The following MACF1 variants were observed in gnomAD, a reference collection of about 807,000 sequenced individuals.
MACF1 encodes microtubule actin crosslinking factor 1, also known as microtubule-actin cross-linking factor 1.
Under a neutral mutation model 854.8 loss-of-function variants are expected in MACF1, and 193 were observed. The observed-to-expected ratio is 0.23, with a 90% confidence interval of 0.20 to 0.25. MACF1 has a LOEUF of 0.25. MACF1 is among the 10% of genes least tolerant of loss of function. The pLI is 1.00. For synonymous variants in MACF1, 3,185 were observed against 3,226.7 expected (o/e 0.99, Z 0.44); for missense variants, 7,722 against 8,929.1 (o/e 0.86, Z 5.45).
At chr1:39,403,589 A>G (rs1215392518) in intron 58 of MACF1, among the ~76,000 whole-genome samples, 12 of 152,170 alleles carry the variant, frequency 7.9e-5, no homozygotes, top group Admixed American at 6.5e-4. Flanking sequence ...GAGTAACACT[A>G]TATGGCATTA....
At chr1:39,294,016 C>CA (rs1645849562) in intron 18 of MACF1, among the ~76,000 whole-genome samples, 2 of 152,066 alleles carry the variant, frequency 1.3e-5, no homozygotes, top group Admixed American at 1.3e-4. Flanking sequence ...GAGATAATAG[C>CA]ACCACTTCAA....
intron 97 of MACF1, among the ~76,000 whole-genome samples, chr1:39,477,997 G>T (rs1570231913): frequency 7.8e-6 from 1 of 128,270 alleles, no homozygotes; most frequent in African/African-American, 3.0e-5. Flanking sequence ...GCTCAGAAGT[G>T]AATTTTTTTT....
intron 50 of MACF1, among the ~76,000 whole-genome samples, chr1:39,369,024 A>G (rs1286415863): frequency 6.9e-5 from 9 of 129,704 alleles, no homozygotes; most frequent in African/African-American, 2.8e-4. Flanking sequence ...TTTTTTAAAG[A>G]TATGGGGTCT....
intron 56 of MACF1, among the ~76,000 whole-genome samples, chr1:39,382,866 A>G (rs1650361672): frequency 6.6e-6 from 1 of 152,142 alleles, no homozygotes; most frequent in Middle Eastern, 3.4e-3. Flanking sequence ...CACACCTATA[A>G]TCCTAGCACT....
intron 5 of MACF1, among the ~76,000 whole-genome samples, chr1:39,256,768 G>A (rs1348440055): frequency 6.6e-6 from 1 of 152,112 alleles, no homozygotes; most frequent in African/African-American, 2.4e-5. Flanking sequence ...AGCAGGTGCT[G>A]CGGGAGGCAT....
At chr1:39,292,118 A>G in intron 16 of MACF1, 80 bp downstream of exon 16, 4 of 1,505,406 alleles carry the variant, frequency 2.7e-6, no homozygotes, top group Non-Finnish European at 3.6e-6. Flanking sequence ...ATAAAGCTGT[A>G]TTGAAGGAGG....
At chr1:39,116,283 G>A (rs898391477) in intron 2 of MACF1, among the ~76,000 whole-genome samples, 1 of 152,142 alleles carries the variant, frequency 6.6e-6, no homozygotes, top group Admixed American at 6.6e-5. Flanking sequence ...TAGAGGTGTA[G>A]GAACTTGAGG....
At chr1:39,299,114 A>G (rs1645985448) in intron 21 of MACF1, 1 of 406,774 alleles carries the variant, frequency 2.5e-6, no homozygotes, top group Non-Finnish European at 4.9e-6. Context: ...AGAAATTGAC[A>G]TCTTATTGCA....
At chr1:39,220,544 G>T (rs582194) in intron 1 of MACF1, among the ~76,000 whole-genome samples, 1 of 146,224 alleles carries the variant, frequency 6.8e-6, no homozygotes, top group African/African-American at 2.5e-5. Context: ...GTGCAGTGGC[G>T]CAATCTCAGC....
intron 2 of MACF1, among the ~76,000 whole-genome samples, chr1:39,142,675 A>C (rs891693229): frequency 2.0e-5 from 3 of 152,154 alleles, no homozygotes; most frequent in Non-Finnish European, 4.4e-5. Context: ...TTCCATTCTG[A>C]TGGCTAATTA....
At chr1:39,148,915 AT>A (rs1335316826) in intron 2 of MACF1, among the ~76,000 whole-genome samples, 1 of 152,082 alleles carries the variant, frequency 6.6e-6, no homozygotes, top group Non-Finnish European at 1.5e-5. Flanking sequence ...TTTCATTGAG[AT>A]TTTTTTCCCC....
chr1:39,293,947 C>T (rs1645847396), intron 18 of MACF1, among the ~76,000 whole-genome samples: 1 of 152,002 alleles, frequency 6.6e-6, no homozygotes, highest in Non-Finnish European at 1.5e-5. Flanking sequence ...TCTTATTCTT[C>T]TACTAACTAG....
Position 39,297,662 on chromosome 1 carries a change from C to G in MACF1, c.2398C>G (p.Leu800Val). 6.2e-7 allele frequency: 1 copy of G among 1,614,148 alleles called. No homozygotes were observed. Among genetic ancestry groups the G allele is most frequent in the Non-Finnish European group, 8.5e-7 (1 of 1,180,024 alleles). Residue 800 changes from leucine (L) to valine (V), a missense_variant, in exon 21 of 101, where the codon CTC becomes GTC. This residue lies in a region of MACF1 where 1,137 missense variants were observed against 1,263.0 expected (regional missense o/e 0.90). Coordinates refer to ENST00000564288, the MANE Select transcript of MACF1 (RefSeq NM_001394062.1). ...ARELESFLRN[L>V]QDSIKRKYSC... ...AGAGCTGGAGTCATTCTTGAGGAAC[C>G]TCCAAGATTCCATTAAACGAAAATA... is the stretch of plus-strand genomic sequence containing the variant.
intron 2 of MACF1, among the ~76,000 whole-genome samples, chr1:39,191,932 C>G (rs1217624115): frequency 6.6e-6 from 1 of 152,148 alleles, no homozygotes; most frequent in Non-Finnish European, 1.5e-5. Context: ...AGGTGGATCA[C>G]TTGAGGCCAG....
At chr1:39,359,032 T>C (rs1647837610) in intron 46 of MACF1, 109 bp from the exon 47 acceptor site, 6 of 1,451,774 alleles carry the variant, frequency 4.1e-6, no homozygotes, top group Non-Finnish European at 5.6e-6. Flanking sequence ...TATTTATGGC[T>C]ATGGTTAAAC....
rs10888733 is a variant in MACF1 at position 39,303,654 on chromosome 1, C to T, written c.2789+576C>T. Among the ~76,000 whole-genome samples, 1,290 of 150,870 alleles carry T rather than the reference C, an allele frequency of 8.6e-3. 21 individuals carry two copies. The highest frequency in any genetic ancestry group is 0.03 in the African/African-American group (1,222 of 40,980). On this transcript the variant is annotated intron_variant, in intron 23 of 100. Transcript: ENST00000564288. ...ATCACTTGAGGTCAGGAGGTCAAGA[C>T]CAGCCTGGCCAACACGGTGAAACTC... is the stretch of plus-strand genomic sequence containing the variant.
intron 38 of MACF1, among the ~76,000 whole-genome samples, chr1:39,339,365 G>T (rs1487385205): frequency 6.6e-6 from 1 of 152,184 alleles, no homozygotes; most frequent in Non-Finnish European, 1.5e-5. Context: ...CTCTGAAGAA[G>T]ACCTGGAAAC....
At chr1:39,108,461 T>C (rs1642303782) in intron 2 of MACF1, among the ~76,000 whole-genome samples, 2 of 152,142 alleles carry the variant, frequency 1.3e-5, no homozygotes, top group South Asian at 4.2e-4. Context: ...TGAAACCCTA[T>C]TTGGATTTAC....
intron 1 of MACF1, among the ~76,000 whole-genome samples, chr1:39,212,342 A>G (rs942778542): frequency 2.0e-5 from 3 of 152,020 alleles, no homozygotes; most frequent in African/African-American, 4.8e-5. Context: ...GAGGCTCAGG[A>G]CCTCTTGGGA....
Sources: allele counts gnomAD v4.1 joint callset (sites outside exome capture counted in the v4.1 genomes callset), GRCh38; gene constraint gnomAD v4.1.1; regional missense constraint gnomAD v4.1.1; transcripts MANE v1.5; gene names NCBI Gene and HGNC (gene_info 2026-07-23, HGNC 2026-07-21).